The following PPP1R9A variants were observed in gnomAD, a reference collection of about 807,000 sequenced individuals.
PPP1R9A encodes neurabin-1.
A neutral mutation model predicts 141.9 loss-of-function variants in PPP1R9A; 59 were observed. The ratio of observed to expected loss-of-function variants is 0.42; its 90% confidence interval spans 0.34 to 0.52. PPP1R9A has a LOEUF of 0.52. PPP1R9A is among the 20% of genes least tolerant of loss of function. The pLI, the probability that PPP1R9A is intolerant of heterozygous loss-of-function variation, is 0.10. For missense variants in PPP1R9A, 1,444 were observed against 1,611.9 expected (o/e 0.90, Z 1.78); for synonymous variants, 500 against 569.7 (o/e 0.88, Z 1.74).
At chr7:95,059,100 A>G (rs1811877691) in intron 2 of PPP1R9A, among the ~76,000 whole-genome samples, 1 of 152,130 alleles carries the variant, frequency 6.6e-6, no homozygotes, top group Admixed American at 6.6e-5. Flanking sequence ...TCAAAGTGGT[A>G]ATTTTCAAAC....
At chr7:95,036,037 C>T (rs953692184) in intron 2 of PPP1R9A, 11 of 152,158 alleles carry the variant, frequency 7.2e-5, no homozygotes, top group African/African-American at 1.7e-4. Context: ...CAGTATACTT[C>T]GGCTCTCTTA....
rs189054503 is a variant in PPP1R9A, at chr7:94,949,720, G to A, written c.1395+38212G>A. Among the ~76,000 whole-genome samples, 12 of 152,064 alleles carry A rather than the reference G, an allele frequency of 7.9e-5. No homozygotes were observed. The East Asian group carries it at 2.1e-3, about 27-fold the overall frequency. On this transcript the variant is annotated intron_variant, in intron 2 of 19. Transcript: ENST00000433360. ...AGGAACCTCACCTGGGGGAGGGTGG[G>A]GTGGTGATGGAGGAAACAAGTTAGA...
intron 2 of PPP1R9A, among the ~76,000 whole-genome samples, chr7:95,082,521 C>A (rs923424501): frequency 6.6e-6 from 1 of 151,856 alleles, no homozygotes; most frequent in Non-Finnish European, 1.5e-5. Flanking sequence ...AGGAGAACTG[C>A]TAGAGGCTTG....
chr7:95,110,356 T>A (rs1365804028), intron 2 of PPP1R9A, among the ~76,000 whole-genome samples: 1 of 152,158 alleles, frequency 6.6e-6, no homozygotes, highest in African/African-American at 2.4e-5. Flanking sequence ...AATCCTAGAT[T>A]TTATGATTTT....
rs550547591 is a variant in PPP1R9A at position 95,081,098 on chromosome 7, G to A, written c.1396-30161G>A. Among the ~76,000 whole-genome samples the A allele has an allele frequency of 3.3e-5, 5 of 152,182 alleles. No homozygotes were observed. In the South Asian group the frequency reaches 1.0e-3, roughly 32 times the overall value. Reference sequence around the variant, plus strand: ...TGTAGCTTCATCTATTCCTAACAAAGCTTAAAATCAAGACCTGAATGGATC... The same window carrying A: ...TGTAGCTTCATCTATTCCTAACAAAACTTAAAATCAAGACCTGAATGGATC... On this transcript the variant is annotated intron_variant, in intron 2 of 19. Transcript: ENST00000433360.
rs573663077 is a variant in PPP1R9A at position 95,067,287 on chromosome 7, A to G, written c.1396-43972A>G. On this transcript the variant is annotated intron_variant, in intron 2 of 19. Transcript: ENST00000433360. Reference sequence around the variant, plus strand: ...AGATGTGAAGGGAATTCCCACAATGACTGTGAAGTTTAGGCTAATAGTTGG... The same window carrying G: ...AGATGTGAAGGGAATTCCCACAATGGCTGTGAAGTTTAGGCTAATAGTTGG... 2.6e-5 allele frequency among the ~76,000 whole-genome samples: 4 copies of G among 152,294 alleles called. No individual in the cohort carries two copies. The South Asian group carries it at 8.3e-4, about 32-fold the overall frequency.
intron 16 of PPP1R9A, among the ~76,000 whole-genome samples, chr7:95,279,573 G>A (rs566906362): frequency 6.6e-6 from 1 of 152,142 alleles, no homozygotes; most frequent in South Asian, 2.1e-4. Flanking sequence ...CCTGAAGCCT[G>A]ACAAACTTAC....
chr7:95,047,239 GAATA>G (rs1810150353), intron 2 of PPP1R9A, among the ~76,000 whole-genome samples: 1 of 152,122 alleles, frequency 6.6e-6, no homozygotes, highest in South Asian at 2.1e-4. Flanking sequence ...TAGTATACAT[GAATA>G]AATTTTATCA....
chr7:95,009,818 A>T (rs1414658660), intron 2 of PPP1R9A, among the ~76,000 whole-genome samples: 1 of 152,172 alleles, frequency 6.6e-6, no homozygotes, highest in East Asian at 1.9e-4. Context: ...CCAGCCAGGT[A>T]AAGAGGAGGA....
chr7:94,989,536 G>T (rs1275168750), intron 2 of PPP1R9A, among the ~76,000 whole-genome samples: 1 of 152,056 alleles, frequency 6.6e-6, no homozygotes, highest in East Asian at 1.9e-4. Context: ...CGAAGTCAAT[G>T]AAAAGCTAGA....
At chr7:95,020,228 A>C (rs527246884) in intron 2 of PPP1R9A, among the ~76,000 whole-genome samples, 2 of 152,296 alleles carry the variant, frequency 1.3e-5, no homozygotes, top group Non-Finnish European at 2.9e-5. Context: ...TGAGAATTGG[A>C]TTGTAAAGGG....
chr7:95,260,713 A>G (rs1458112867), intron 12 of PPP1R9A, among the ~76,000 whole-genome samples: 1 of 151,866 alleles, frequency 6.6e-6, no homozygotes, highest in African/African-American at 2.4e-5. Context: ...AAGAGGAAAC[A>G]CAATGTTACT....
chr7:95,174,477 G>C (rs1832611538), intron 5 of PPP1R9A, among the ~76,000 whole-genome samples: 1 of 152,050 alleles, frequency 6.6e-6, no homozygotes, highest in South Asian at 2.1e-4. Flanking sequence ...AAACTCCTCA[G>C]ATTATACAAC....
intron 12 of PPP1R9A, 82 bp from the exon 13 acceptor site, chr7:95,268,468 T>C: frequency 6.6e-7 from 1 of 1,505,188 alleles, no homozygotes; most frequent in Non-Finnish European, 9.0e-7. Flanking sequence ...ACTGGTTACC[T>C]TGAGATTTTA....
At chr7:95,046,937 C>G (rs112844524) in intron 2 of PPP1R9A, among the ~76,000 whole-genome samples, 4 of 152,338 alleles carry the variant, frequency 2.6e-5, no homozygotes, top group African/African-American at 9.6e-5. Context: ...TTGCAGCCAA[C>G]TGTGACCACT....
rs556108029 is a variant in PPP1R9A, at chr7:95,187,432, T to C, written c.1755-10917T>C. 3.3e-5 allele frequency among the ~76,000 whole-genome samples: 5 copies of C among 152,326 alleles called. No individual in the cohort carries two copies. The East Asian group carries it at 9.6e-4, about 29-fold the overall frequency. Reference sequence around the variant, plus strand: ...CTTGGTTAGTTGCACTAATGGTCTATCAATTTTGTTCATCTTTTCAAAAAC... The same window carrying C: ...CTTGGTTAGTTGCACTAATGGTCTACCAATTTTGTTCATCTTTTCAAAAAC... On this transcript the variant is annotated intron_variant, in intron 5 of 19. Coordinates refer to ENST00000433360, the MANE Select transcript of PPP1R9A (RefSeq NM_001166160.2).
At chr7:95,213,341 G>T (rs1407624991) in intron 7 of PPP1R9A, among the ~76,000 whole-genome samples, 2 of 134,760 alleles carry the variant, frequency 1.5e-5, no homozygotes, top group Non-Finnish European at 3.1e-5. Flanking sequence ...TTTTTTTGGA[G>T]ACAGAGTTTT....
At chr7:95,080,397 T>C (rs1815620325) in intron 2 of PPP1R9A, among the ~76,000 whole-genome samples, 1 of 152,066 alleles carries the variant, frequency 6.6e-6, no homozygotes, top group Non-Finnish European at 1.5e-5. Context: ...GTGAAGGACC[T>C]CTTCAAGGAG....
chr7:94,958,944 G>A (rs1797335654), intron 2 of PPP1R9A, among the ~76,000 whole-genome samples: 1 of 151,928 alleles, frequency 6.6e-6, no homozygotes, highest in Non-Finnish European at 1.5e-5. Context: ...AATAGTTAAT[G>A]AACAACTACT....
Sources: allele counts gnomAD v4.1 joint callset (sites outside exome capture counted in the v4.1 genomes callset), GRCh38; gene constraint gnomAD v4.1.1; transcripts MANE v1.5; gene names NCBI Gene and HGNC (gene_info 2026-07-23, HGNC 2026-07-21).